The following SYDE2 variants were observed in gnomAD, a reference collection of about 807,000 sequenced individuals.
SYDE2 encodes the protein rho GTPase-activating protein SYDE2.
Under a neutral mutation model 91.5 loss-of-function variants are expected in SYDE2, and 76 were observed. The observed-to-expected ratio is 0.83, with a 90% CI of 0.69 to 1.01. SYDE2 has a LOEUF of 1.01. Among genes scored for constraint, SYDE2 ranks in the 50% least tolerant of loss-of-function variants. The pLI is 0.00. For missense variants in SYDE2, 1,364 were observed against 1,367.7 expected, an observed-to-expected ratio of 1.00 and a Z score of 0.04; for synonymous variants, 513 against 506.4, an observed-to-expected ratio of 1.01 and a Z score of -0.18.
chr1:85,189,279 GA>G (rs1658267384), intron 2 of SYDE2, among the ~76,000 whole-genome samples: 2 of 152,036 alleles, frequency 1.3e-5, no homozygotes, highest in Admixed American at 6.6e-5. Flanking sequence ...ATTTGCAAGG[GA>G]CTTACTTCTA....
chr1:85,154,903 C>T (rs1656842188), downstream of SYDE2, among the ~76,000 whole-genome samples: 1 of 150,204 alleles, frequency 6.7e-6, no homozygotes, highest in South Asian at 2.1e-4. Context: ...TTGTCAAACA[C>T]ACAAGGACTC....
chr1:85,177,239 CTT>C (rs1657735309), intron 4 of SYDE2, among the ~76,000 whole-genome samples: 2 of 152,126 alleles, frequency 1.3e-5, no homozygotes, highest in Admixed American at 1.3e-4. Context: ...TCTTTCCACT[CTT>C]ATCTTTCAGG....
Position 85,182,285 on chromosome 1 carries a change from C to T in SYDE2, c.2357G>A (p.Gly786Asp), listed in dbSNP as rs1365276105. Residue 786 changes from glycine (G) to aspartate (D), a missense_variant, in exon 3 of 7, where the codon GGT (glycine) becomes GAT (aspartate). By Grantham distance (94) the Gly-to-Asp change is moderately conservative. Coordinates refer to ENST00000341460, the MANE Select transcript of SYDE2 (RefSeq NM_032184.2). ...AAGAGTCACTTTCACATAAATAAGA[C>T]CTCTAGGTTCAAGTTTGACAGCCAA... The part of the protein sequence containing the change: ...HQLAVKLEPR[G>D]LIYVKVTLME... 5 of 1,613,410 alleles carry T rather than the reference C, an allele frequency of 3.1e-6. No homozygotes were observed. The highest frequency in any genetic ancestry group is 2.7e-5 in the African/African-American group (2 of 74,856).
chr1:85,175,764 A>T (rs1477530387), intron 4 of SYDE2, among the ~76,000 whole-genome samples: 3 of 152,222 alleles, frequency 2.0e-5, no homozygotes, highest in Non-Finnish European at 4.4e-5. Flanking sequence ...CTAACTCCTC[A>T]AATCAACAAT....
In SYDE2 at chr1:85,163,714, A is replaced by G. The variant is rs376462490; in HGVS notation, c.3085+812T>C. 2.4e-4 allele frequency among the ~76,000 whole-genome samples: 36 copies of G among 152,100 alleles called. 1 individual carries two copies. In the East Asian group the frequency reaches 2.9e-3, roughly 12 times the overall value. The stretch of plus-strand genomic sequence containing the variant: ...GACCCCGGGGCCAAGCACGGTTACT[A>G]GTGTGCTCTACACTAAACACCAAAG... On this transcript the variant is annotated intron_variant, in intron 6 of 6. Coordinates refer to ENST00000341460, the MANE Select transcript of SYDE2 (RefSeq NM_032184.2).
Position 85,157,300 on chromosome 1 carries a change from A to T in SYDE2, c.*1450T>A. 6.6e-6 allele frequency: 1 copy of T among 152,204 alleles called. No homozygotes were observed. Among genetic ancestry groups the T allele is most frequent in the East Asian group, 1.9e-4 (1 of 5,194 alleles). The allele number at this position is 152,204 out of a possible 1,614,324, so 9.4% of individuals were successfully genotyped here. ...AAGTTAAAAAAATACATTTTGATTT[A>T]ATACAAAAGCCTTCTAAATTTACAT... On this transcript the variant is annotated 3_prime_UTR_variant, in exon 7 of 7. Transcript: ENST00000341460.
intron 2 of SYDE2, 92 bp downstream of exon 2, chr1:85,189,965 T>C (rs1658296682): frequency 2.9e-6 from 3 of 1,023,408 alleles, no homozygotes; most frequent in East Asian, 2.4e-5. Context: ...AGTACATGAA[T>C]ATAACAAACA....
rs1181139812 is a variant in SYDE2, at chr1:85,164,484, C to G, written c.3085+42G>C. On this transcript the variant is annotated intron_variant, in intron 6 of 6. Coordinates refer to ENST00000341460, the MANE Select transcript of SYDE2 (RefSeq NM_032184.2). ...TTTAATGATTAGTTAATTCAAATACCCTATCATTGAAAGTGAAAAACATTT... is the reference window on the plus strand; with the variant it reads ...TTTAATGATTAGTTAATTCAAATACGCTATCATTGAAAGTGAAAAACATTT... 6.3e-6 allele frequency: 8 copies of G among 1,275,502 alleles called. No individual in the cohort carries two copies. In the South Asian group the frequency reaches 1.2e-4, roughly 19 times the overall value. 79.0% of individuals were successfully genotyped at this position (1,275,502 alleles called of 1,614,324 possible).
At chr1:85,169,269 G>A in intron 4 of SYDE2, 44 bp from the exon 5 acceptor site, 5 of 1,464,310 alleles carry the variant, frequency 3.4e-6, no homozygotes, top group South Asian at 1.4e-5. Context: ...GGACTGCAGA[G>A]TGAAATAAAG....
chr1:85,177,419 T>C (rs1422304495), intron 4 of SYDE2, among the ~76,000 whole-genome samples: 1 of 152,124 alleles, frequency 6.6e-6, no homozygotes. Flanking sequence ...AAATTCTATA[T>C]ATCCAAAGCC....
In SYDE2 at chr1:85,186,688, C is replaced by T. The variant is rs1207715057; in HGVS notation, c.1441+3369G>A. Among the ~76,000 whole-genome samples, 1,166 of 151,744 alleles carry T rather than the reference C, an allele frequency of 7.7e-3. 11 individuals carry two copies. The highest frequency in any genetic ancestry group is 0.027 in the African/African-American group (1,108 of 41,286). On this transcript the variant is annotated intron_variant, in intron 2 of 6. Coordinates refer to ENST00000341460, the MANE Select transcript of SYDE2 (RefSeq NM_032184.2). ...AGAGATATAGATCAATGGAACAGAA[C>T]AGAGCCCTCAGAAATAATGCCACAT...
intron 5 of SYDE2, 63 bp downstream of exon 5, chr1:85,168,981 C>T: frequency 1.2e-5 from 17 of 1,394,474 alleles, no homozygotes; most frequent in Non-Finnish European, 1.7e-5. Context: ...ATTTGTAGCT[C>T]TGGAGGTAGG....
downstream of SYDE2, among the ~76,000 whole-genome samples, chr1:85,154,556 A>G (rs1159546612): frequency 1.3e-5 from 2 of 149,970 alleles, no homozygotes; most frequent in Non-Finnish European, 3.0e-5. Flanking sequence ...TACTATATTA[A>G]CAACACCAAC....
intron 3 of SYDE2, 62 bp from the exon 4 acceptor site, chr1:85,178,334 A>C: frequency 7.0e-7 from 1 of 1,426,114 alleles, no homozygotes; most frequent in East Asian, 2.5e-5. Flanking sequence ...TAATTGCATT[A>C]TAGATCACAT....
intron 4 of SYDE2, among the ~76,000 whole-genome samples, chr1:85,177,516 CCATGTCTCAAAGT>C (rs2100664045): frequency 6.6e-6 from 1 of 152,238 alleles, no homozygotes; most frequent in African/African-American, 2.4e-5. Context: ...ACCCAATCAA[CCATGTCTCAAAGT>C]CATATCTGTC....
chr1:85,178,474 C>T (rs150792024), intron 3 of SYDE2, among the ~76,000 whole-genome samples: 5 of 152,210 alleles, frequency 3.3e-5, no homozygotes, highest in East Asian at 3.9e-4. Context: ...TAAATTCAAA[C>T]AATACACTAT....
intron 1 of SYDE2, among the ~76,000 whole-genome samples, chr1:85,193,297 A>G (rs1238770254): frequency 1.3e-5 from 2 of 152,258 alleles, no homozygotes; most frequent in African/African-American, 4.8e-5. Flanking sequence ...ACAGTATTTC[A>G]GACCTTCACA....
At chr1:85,167,064 A>G (rs1034347732) in intron 5 of SYDE2, among the ~76,000 whole-genome samples, 2 of 152,078 alleles carry the variant, frequency 1.3e-5, no homozygotes, top group Non-Finnish European at 2.9e-5. Flanking sequence ...TACAAAAAAA[A>G]TTAGTTGAGG....
chr1:85,178,853 T>C (rs1178599540), intron 3 of SYDE2, among the ~76,000 whole-genome samples: 3 of 151,906 alleles, frequency 2.0e-5, no homozygotes, highest in East Asian at 3.8e-4. Flanking sequence ...TAATTGATTA[T>C]AAAGTGATGG....
Sources: allele counts gnomAD v4.1 joint callset (sites outside exome capture counted in the v4.1 genomes callset), GRCh38; gene constraint gnomAD v4.1.1; transcripts MANE v1.5; gene names NCBI Gene and HGNC (gene_info 2026-07-23, HGNC 2026-07-21).